The following ANOS1 variants were observed in gnomAD, a reference collection of about 807,000 sequenced individuals.
ANOS1 encodes anosmin 1.
A neutral mutation model predicts 59.0 loss-of-function variants in ANOS1; 6 were observed. The ratio of observed to expected loss-of-function variants is 0.10; its 90% CI spans 0.06 to 0.20. ANOS1 has a LOEUF of 0.20. Among genes scored for constraint, ANOS1 ranks in the 10% least tolerant of loss-of-function variants. The pLI is 1.00. For missense variants in ANOS1, 433 were observed against 542.3 expected, an observed-to-expected ratio of 0.80 and a Z score of 2.00; for synonymous variants, 217 against 223.4, an observed-to-expected ratio of 0.97 and a Z score of 0.25.
At chrX:8,687,599 C>CAA (rs956562173) in intron 2 of ANOS1, among the ~76,000 whole-genome samples, 6 of 107,554 alleles carry the variant, frequency 5.6e-5, no homozygotes, top group African/African-American at 2.0e-4. Flanking sequence ...AGTAAACACA[C>CAA]ACACACACAC....
intron 11 of ANOS1, among the ~76,000 whole-genome samples, chrX:8,536,248 T>C (rs1408489978): frequency 1.0e-5 from 1 of 96,013 alleles, no homozygotes; most frequent in African/African-American, 3.9e-5. Context: ...TTGCCCATGT[T>C]GGTCTGGAAC....
At chrX:8,601,608 T>A in intron 3 of ANOS1, among the ~76,000 whole-genome samples, 1 of 112,377 alleles carries the variant, frequency 8.9e-6, no homozygotes, top group Middle Eastern at 4.6e-3. Context: ...TCAGTTGATA[T>A]GAGAGTTATT....
intron 13 of ANOS1, 138 bp downstream of exon 13, chrX:8,534,181 G>C (rs1929548662): frequency 1.6e-6 from 1 of 620,258 alleles, no homozygotes; most frequent in African/African-American, 2.2e-5. Context: ...CAGGGAGAAA[G>C]AATTTCAGAT....
At chrX:8,594,624 A>C (rs1930677820) in intron 4 of ANOS1, among the ~76,000 whole-genome samples, 1 of 88,126 alleles carries the variant, frequency 1.1e-5, no homozygotes, top group Non-Finnish European at 2.2e-5. Context: ...CTACTGAAGA[A>C]AGCAAGAAAA....
chrX:8,534,696 G>A (rs1370755867), intron 12 of ANOS1, among the ~76,000 whole-genome samples: 3 of 111,597 alleles, frequency 2.7e-5, no homozygotes, highest in Non-Finnish European at 5.6e-5. Flanking sequence ...ACTTGGCAGA[G>A]TTAAAATATG....
chrX:8,553,980 T>A lies in ANOS1; in HGVS notation c.1326A>T (p.Gln442His). 8.3e-7 allele frequency: 1 copy of A among 1,210,240 alleles called. No individual in the cohort carries two copies. Among genetic ancestry groups the A allele is most frequent in the Non-Finnish European group, 1.1e-6 (1 of 893,924 alleles). Residue 442 changes from glutamine to histidine, a missense_variant, in exon 9 of 14, where the codon CAA becomes CAT. Transcript: ENST00000262648. ...CTGTCTTCTTCCAGTAGACTTTAAC[T>A]TGCAGTTGGCCATCCTGATAGAAGG... ...GAPFYQDGQL[Q>H]VKVYWKKTED... is the part of the protein sequence containing the mutation.
chrX:8,633,933 T>C (rs143823027), intron 2 of ANOS1, among the ~76,000 whole-genome samples: 3,322 of 111,954 alleles, frequency 0.03, 101 homozygotes, highest in African/African-American at 0.09. Context: ...TAATGAAGAA[T>C]TGGATCCTGA....
intron 8 of ANOS1, chrX:8,565,975 G>C (rs893757988): frequency 2.7e-6 from 2 of 748,848 alleles, no homozygotes; most frequent in African/African-American, 4.6e-5. Context: ...AGACCTCCAG[G>C]GGAGAGACCA....
At chrX:8,721,585 C>T (rs150551110) in intron 1 of ANOS1, among the ~76,000 whole-genome samples, 3 of 112,083 alleles carry the variant, frequency 2.7e-5, no homozygotes, top group East Asian at 2.8e-4. Flanking sequence ...TGTGTCCAAC[C>T]GCAAGCCAAG....
chrX:8,719,971 G>A (rs1170915999), intron 1 of ANOS1, among the ~76,000 whole-genome samples: 3 of 111,501 alleles, frequency 2.7e-5, no homozygotes, highest in Admixed American at 1.9e-4. Flanking sequence ...TTAAAGCTTC[G>A]GGGATTAAAG....
intron 1 of ANOS1, among the ~76,000 whole-genome samples, chrX:8,716,940 A>G (rs1439942812): frequency 8.9e-6 from 1 of 111,775 alleles, no homozygotes; most frequent in Non-Finnish European, 1.9e-5. Flanking sequence ...AAATATTCAC[A>G]TACTGCTATG....
At chrX:8,612,731 T>C (rs1931084086) in intron 3 of ANOS1, among the ~76,000 whole-genome samples, 1 of 110,934 alleles carries the variant, frequency 9.0e-6, no homozygotes, top group Admixed American at 9.6e-5. Context: ...ATATGACCTA[T>C]GCTATTTTTA....
At chrX:8,640,931 A>G (rs1417840106) in intron 2 of ANOS1, among the ~76,000 whole-genome samples, 2 of 112,234 alleles carry the variant, frequency 1.8e-5, no homozygotes, top group African/African-American at 6.5e-5. Context: ...TGGTTTTCTA[A>G]TATAATTAAA....
At chrX:8,557,947 G>C (rs1929973355) in intron 8 of ANOS1, among the ~76,000 whole-genome samples, 1 of 111,911 alleles carries the variant, frequency 8.9e-6, no homozygotes, top group Non-Finnish European at 1.9e-5. Context: ...ATGATAGACT[G>C]GATAAAGAAA....
intron 3 of ANOS1, among the ~76,000 whole-genome samples, chrX:8,621,089 G>T (rs746259162): frequency 1.6e-4 from 18 of 111,973 alleles, no homozygotes; most frequent in Non-Finnish European, 2.3e-4. Context: ...AAACAGGTCA[G>T]GAGCAGTGGC....
chrX:8,729,391 CTTTTTTT>C (rs1162458402), intron 1 of ANOS1, among the ~76,000 whole-genome samples: 58 of 72,627 alleles, frequency 8.0e-4, no homozygotes, highest in African/African-American at 8.8e-4. Context: ...ACCTTCCTTC[CTTTTTTT>C]TTTTTTTTTT....
chrX:8,601,165 C>T (rs1316951839), intron 3 of ANOS1, among the ~76,000 whole-genome samples: 1 of 97,200 alleles, frequency 1.0e-5, no homozygotes, highest in East Asian at 3.1e-4. Flanking sequence ...TGCACTCCAG[C>T]CTGGGCAACC....
intron 3 of ANOS1, among the ~76,000 whole-genome samples, chrX:8,617,247 G>A (rs192939816): frequency 3.8e-3 from 428 of 112,217 alleles, no homozygotes; most frequent in Non-Finnish European, 6.9e-3. Context: ...GACAGGTACA[G>A]GTTCTGTTCC....
intron 6 of ANOS1, 109 bp downstream of exon 6, chrX:8,585,158 C>A: frequency 1.1e-6 from 1 of 894,899 alleles, no homozygotes; most frequent in South Asian, 2.1e-5. Context: ...ACAGCAAAGC[C>A]ACCTGTTGAC....
Sources: gnomAD v4.1 joint callset for allele counts (sites outside exome capture counted in the v4.1 genomes callset) on GRCh38, gnomAD v4.1.1 for gene constraint, MANE v1.5 for transcripts, NCBI Gene and HGNC (gene_info 2026-07-23, HGNC 2026-07-21) for gene names.